Variants in EYS observed in about 807,000 individuals in gnomAD.
The protein encoded by EYS is protein eyes shut homolog.
In EYS, 250 loss-of-function variants were observed where a neutral mutation model predicts 282.1. That is an observed-to-expected ratio of 0.89 (90% CI 0.80 to 0.98). The LOEUF is 0.98. Ranked by LOEUF, EYS falls within the 50% of genes least tolerant of loss-of-function variation. The pLI is 0.00. For synonymous variants in EYS, 1,355 were observed against 1,282.9 expected (o/e 1.06, Z -1.20); for missense variants, 4,016 against 3,709.0 (o/e 1.08, Z -2.15).
chr6:64,353,129 A>G (rs1231698363), intron 29 of EYS, among the ~76,000 whole-genome samples: 4 of 151,548 alleles, frequency 2.6e-5, no homozygotes, highest in African/African-American at 4.8e-5. Context: ...CTTCATGAAT[A>G]TAGGAACACA....
intron 1 of EYS, among the ~76,000 whole-genome samples, chr6:65,658,612 T>C (rs1767903262): frequency 6.6e-6 from 1 of 151,766 alleles, no homozygotes; most frequent in South Asian, 2.1e-4. Flanking sequence ...ATATTCAGTA[T>C]ATTTCAAATT....
chr6:64,115,185 G>C (rs1466610590), intron 31 of EYS, among the ~76,000 whole-genome samples: 1 of 152,196 alleles, frequency 6.6e-6, no homozygotes, highest in Non-Finnish European at 1.5e-5. Flanking sequence ...ACATGAGTAT[G>C]TCCCAGATCC....
intron 22 of EYS, among the ~76,000 whole-genome samples, chr6:64,701,704 G>A (rs1270198185): frequency 6.6e-6 from 1 of 152,032 alleles, no homozygotes; most frequent in South Asian, 2.1e-4. Flanking sequence ...AGGGTCAGAG[G>A]TGGGTGAGGG....
Position 64,811,798 on chromosome 6 carries a change from T to C in EYS, c.3443+1580A>G, listed in dbSNP as rs1298479424. Among the ~76,000 whole-genome samples the C allele has an allele frequency of 3.9e-5, 6 of 152,106 alleles. No homozygotes were observed. In the East Asian group the frequency reaches 9.7e-4, roughly 24 times the overall value. ...TGCCTATGCCATGCTCTTGGGCTTT[T>C]CAGCCACTTGAAGCATAAGCCAAAT... On this transcript the variant is annotated intron_variant, in intron 22 of 42. Transcript: ENST00000503581.
chr6:63,821,421 T>G (rs993951915), intron 36 of EYS: 1 of 152,150 alleles, frequency 6.6e-6, no homozygotes, highest in Non-Finnish European at 1.5e-5. Flanking sequence ...CCCTTTCACC[T>G]CAAATCAAGA....
At chr6:64,700,550 A>G (rs1400158477) in intron 22 of EYS, among the ~76,000 whole-genome samples, 1 of 152,066 alleles carries the variant, frequency 6.6e-6, no homozygotes, top group Non-Finnish European at 1.5e-5. Flanking sequence ...AATGAAAATC[A>G]ACAAAAATAT....
intron 26 of EYS, among the ~76,000 whole-genome samples, chr6:64,459,806 C>G (rs1775683764): frequency 6.6e-6 from 1 of 152,186 alleles, no homozygotes; most frequent in African/African-American, 2.4e-5. Context: ...GGGTCTGTCT[C>G]TCACAGTCCA....
chr6:65,005,544 C>T (rs1055844812), intron 13 of EYS, among the ~76,000 whole-genome samples: 1 of 147,422 alleles, frequency 6.8e-6, no homozygotes, highest in East Asian at 2.1e-4. Context: ...GGACCACTTT[C>T]GCTTGCTATT....
At chr6:64,803,683 C>A (rs1392381293) in intron 22 of EYS, among the ~76,000 whole-genome samples, 3 of 152,192 alleles carry the variant, frequency 2.0e-5, no homozygotes, top group Non-Finnish European at 4.4e-5. Context: ...ATCCCCTTGG[C>A]CTCCCTCTTG....
At chr6:64,356,101 A>T (rs1011269877) in intron 29 of EYS, among the ~76,000 whole-genome samples, 1 of 151,580 alleles carries the variant, frequency 6.6e-6, no homozygotes, top group South Asian at 2.1e-4. Context: ...CTAAATATAA[A>T]TTATAAAATT....
chr6:64,758,171 C>T (rs1773019663), intron 22 of EYS, among the ~76,000 whole-genome samples: 1 of 152,052 alleles, frequency 6.6e-6, no homozygotes. Flanking sequence ...GTTCTTTGCT[C>T]CAACAGTTCA....
At chr6:63,931,160 G>T (rs539882285) in intron 35 of EYS, among the ~76,000 whole-genome samples, 6 of 152,254 alleles carry the variant, frequency 3.9e-5, no homozygotes, top group South Asian at 2.1e-4. Flanking sequence ...TTGCTCTTCA[G>T]CCTCACTCTT....
At chr6:64,033,056 T>C (rs1356767474) in intron 33 of EYS, among the ~76,000 whole-genome samples, 1 of 152,214 alleles carries the variant, frequency 6.6e-6, no homozygotes, top group Non-Finnish European at 1.5e-5. Context: ...AAGATGCTCC[T>C]ATCACTCAGG....
At chr6:63,964,917 C>G (rs1021144309) in intron 35 of EYS, among the ~76,000 whole-genome samples, 1 of 152,116 alleles carries the variant, frequency 6.6e-6, no homozygotes, top group African/African-American at 2.4e-5. Flanking sequence ...ACAGATACTG[C>G]CAGGTTTCTA....
intron 15 of EYS, among the ~76,000 whole-genome samples, chr6:64,939,088 C>T (rs1769005747): frequency 6.6e-6 from 1 of 151,750 alleles, no homozygotes; most frequent in Admixed American, 6.6e-5. Context: ...ATATGGAATA[C>T]ATACATTATG....
rs946403934 is a variant in EYS at position 63,753,005 on chromosome 6, G to C, written c.8071+9456C>G. Among the ~76,000 whole-genome samples, 3 of 150,892 alleles carry C rather than the reference G, an allele frequency of 2.0e-5. No homozygotes were observed. In the East Asian group the frequency reaches 5.8e-4, roughly 29 times the overall value. ...GTCATGTTTTAGACTAGTCTTGTTT[G>C]GTCTTTTTTGATTTTTTTCTTCCTG... On this transcript the variant is annotated intron_variant, in intron 41 of 42. Coordinates refer to ENST00000503581, the MANE Select transcript of EYS (RefSeq NM_001142800.2).
intron 26 of EYS, among the ~76,000 whole-genome samples, chr6:64,517,741 A>G (rs776067224): frequency 1.3e-5 from 2 of 151,878 alleles, no homozygotes; most frequent in African/African-American, 2.4e-5. Flanking sequence ...AAATAAAAAA[A>G]TTACTTTTAC....
chr6:63,866,375 G>C (rs1411063133), intron 35 of EYS, among the ~76,000 whole-genome samples: 2 of 152,156 alleles, frequency 1.3e-5, no homozygotes, highest in Non-Finnish European at 2.9e-5. Flanking sequence ...TAGGAAAGTA[G>C]CATTCTTGAG....
At chr6:65,127,526 C>T (rs946462999) in intron 12 of EYS, among the ~76,000 whole-genome samples, 1 of 151,842 alleles carries the variant, frequency 6.6e-6, no homozygotes, top group Admixed American at 6.6e-5. Flanking sequence ...TTTAATATAA[C>T]CATAATTATA....
Sources: allele counts gnomAD v4.1 joint callset (sites outside exome capture counted in the v4.1 genomes callset), GRCh38; gene constraint gnomAD v4.1.1; transcripts MANE v1.5; gene names NCBI Gene and HGNC (gene_info 2026-07-23, HGNC 2026-07-21).